Variants in LUZP1 observed in about 807,000 individuals in gnomAD.
The protein encoded by LUZP1 is leucine zipper protein 1.
In LUZP1, 25 loss-of-function variants were observed where a neutral mutation model predicts 71.3. The ratio of observed to expected loss-of-function variants is 0.35; its 90% confidence interval spans 0.26 to 0.49. LUZP1 has a LOEUF of 0.49. LUZP1 is among the 20% of genes least tolerant of loss of function. The pLI is 0.99. For synonymous variants in LUZP1, 481 were observed against 506.4 expected, an observed-to-expected ratio of 0.95 and a Z score of 0.67; for missense variants, 1,142 against 1,300.8, an observed-to-expected ratio of 0.88 and a Z score of 1.88.
At chr1:23,097,238 C>A (rs1054981952) in intron 3 of LUZP1, among the ~76,000 whole-genome samples, 1 of 152,142 alleles carries the variant, frequency 6.6e-6, no homozygotes, top group African/African-American at 2.4e-5. Flanking sequence ...CGTTTCAACA[C>A]GAATTTTGGA....
At chr1:23,170,208 G>A (rs1036621490) in intron 1 of LUZP1, among the ~76,000 whole-genome samples, 2 of 152,130 alleles carry the variant, frequency 1.3e-5, no homozygotes, top group Admixed American at 1.3e-4. Flanking sequence ...TTGTTTCTTA[G>A]CACTTCCTGG....
intron 2 of LUZP1, among the ~76,000 whole-genome samples, chr1:23,159,353 T>C (rs561337581): frequency 6.6e-6 from 1 of 151,974 alleles, no homozygotes; most frequent in Non-Finnish European, 1.5e-5. Flanking sequence ...AAAAAAAAAT[T>C]TGATTACTGC....
chr1:23,104,202 C>T (rs1392342321), intron 3 of LUZP1, among the ~76,000 whole-genome samples: 3 of 149,090 alleles, frequency 2.0e-5, no homozygotes, highest in South Asian at 2.1e-4. Flanking sequence ...TTTTTTGAGA[C>T]GGAATCTCGT....
rs370631878 is a variant in LUZP1 at position 23,121,633 on chromosome 1, T to C, written c.-225-12506A>G. Reference sequence around the variant, plus strand: ...TACTTGGGAGGCTGAAGTGGGAGGATAGCTTAAGCCCCAGAGGTCAAGGCT... The same window carrying C: ...TACTTGGGAGGCTGAAGTGGGAGGACAGCTTAAGCCCCAGAGGTCAAGGCT... On this transcript the variant is annotated intron_variant, in intron 2 of 4. Coordinates refer to ENST00000302291, the Ensembl canonical transcript of LUZP1. Among the ~76,000 whole-genome samples, 273 of 152,220 alleles carry C rather than the reference T, an allele frequency of 1.8e-3. 6 individuals are homozygous for C. The South Asian group carries it at 0.053, about 30-fold the overall frequency.
intron 2 of LUZP1, among the ~76,000 whole-genome samples, chr1:23,147,954 C>A (rs913781724): frequency 1.3e-4 from 20 of 152,190 alleles, no homozygotes; most frequent in African/African-American, 4.8e-4. Flanking sequence ...AATACAATAG[C>A]TACATTGTGT....
rs531472230 is a variant in LUZP1 at position 23,141,964 on chromosome 1, C to A, written c.-226+26802G>T. On this transcript the variant is annotated intron_variant, in intron 2 of 4. Coordinates refer to ENST00000302291, the Ensembl canonical transcript of LUZP1. Reference sequence around the variant, plus strand: ...GGTTCAAGCAATTCTCCTGCCTCAGCCTCCCATGTAGCTGGGATTACAGGC... The same window carrying A: ...GGTTCAAGCAATTCTCCTGCCTCAGACTCCCATGTAGCTGGGATTACAGGC... Among the ~76,000 whole-genome samples, 8 of 152,202 alleles carry A rather than the reference C, an allele frequency of 5.3e-5. No homozygotes were observed. The East Asian group carries it at 1.4e-3, about 26-fold the overall frequency.
chr1:23,146,826 G>A (rs775347129), intron 2 of LUZP1, among the ~76,000 whole-genome samples: 24 of 151,634 alleles, frequency 1.6e-4, no homozygotes, highest in Admixed American at 7.2e-4. Flanking sequence ...GGCTGGGCGC[G>A]ATGGCTCACG....
At chr1:23,154,721 T>TTTA (rs1424120630) in intron 2 of LUZP1, among the ~76,000 whole-genome samples, 1 of 149,348 alleles carries the variant, frequency 6.7e-6, no homozygotes, top group Non-Finnish European at 1.5e-5. Context: ...TTTTTTTTTT[T>TTTA]TTTTTTGTAT....
At chr1:23,100,895 G>A (rs964802722) in intron 3 of LUZP1, among the ~76,000 whole-genome samples, 5 of 152,180 alleles carry the variant, frequency 3.3e-5, no homozygotes, top group Non-Finnish European at 5.9e-5. Flanking sequence ...ACAAGGAAAC[G>A]GACTCAGAAG....
At chr1:23,143,023 T>A (rs1644317255) in intron 2 of LUZP1, among the ~76,000 whole-genome samples, 1 of 151,848 alleles carries the variant, frequency 6.6e-6, no homozygotes. Context: ...TTCTTTTTTG[T>A]TTTTTGATAG....
At chr1:23,141,872 T>A (rs1386877791) in intron 2 of LUZP1, among the ~76,000 whole-genome samples, 1 of 151,342 alleles carries the variant, frequency 6.6e-6, no homozygotes, top group African/African-American at 2.4e-5. Context: ...TGAGACAGTT[T>A]TGCTTTTGTT....
chr1:23,114,220 G>C (rs1644058615), intron 2 of LUZP1, among the ~76,000 whole-genome samples: 1 of 152,124 alleles, frequency 6.6e-6, no homozygotes, highest in East Asian at 1.9e-4. Context: ...AGAATAACTT[G>C]GGATCACAGA....
intron 2 of LUZP1, among the ~76,000 whole-genome samples, chr1:23,154,709 A>ATTTTTT (rs1191570803): frequency 3.2e-5 from 4 of 125,634 alleles, no homozygotes; most frequent in African/African-American, 6.3e-5. Context: ...CACCTGGCTA[A>ATTTTTT]TTTTTTTTTT....
At chr1:23,111,572 T>C (rs1644032942) in intron 2 of LUZP1, among the ~76,000 whole-genome samples, 1 of 152,042 alleles carries the variant, frequency 6.6e-6, no homozygotes, top group East Asian at 1.9e-4. Flanking sequence ...AAAAATAATT[T>C]TAAAAACGAT....
intron 3 of LUZP1, among the ~76,000 whole-genome samples, chr1:23,098,042 G>A (rs1309213119): frequency 6.6e-6 from 1 of 152,206 alleles, no homozygotes; most frequent in Non-Finnish European, 1.5e-5. Flanking sequence ...GGGCCCACTT[G>A]AAATTCCTGG....
chr1:23,085,495 G>A (rs549153655), exon 5 of LUZP1: 9 of 152,602 alleles, frequency 5.9e-5, no homozygotes, highest in African/African-American at 2.2e-4. Context: ...AAGCAATCTT[G>A]TCAGAGAAAT....
At chr1:23,165,224 T>C (rs1447065783) in intron 2 of LUZP1, among the ~76,000 whole-genome samples, 1 of 152,136 alleles carries the variant, frequency 6.6e-6, no homozygotes, top group East Asian at 1.9e-4. Flanking sequence ...ACCCAATTCC[T>C]AAAAGATAAC....
chr1:23,117,268 T>C (rs1326183343), intron 2 of LUZP1, among the ~76,000 whole-genome samples: 1 of 152,206 alleles, frequency 6.6e-6, no homozygotes, highest in Non-Finnish European at 1.5e-5. Flanking sequence ...CTTTAAGTGA[T>C]TAAACTTCAC....
At chr1:23,124,938 T>TA (rs976475133) in intron 2 of LUZP1, among the ~76,000 whole-genome samples, 16 of 151,976 alleles carry the variant, frequency 1.1e-4, no homozygotes, top group East Asian at 1.9e-4. Context: ...GCCATGACAG[T>TA]AAAAAAAAGG....
Sources: gnomAD v4.1 joint callset for allele counts (sites outside exome capture counted in the v4.1 genomes callset) on GRCh38, gnomAD v4.1.1 for gene constraint, MANE v1.5 for transcripts, NCBI Gene and HGNC (gene_info 2026-07-23, HGNC 2026-07-21) for gene names.